The following BRD1 variants were observed in gnomAD, a reference collection of about 807,000 sequenced individuals.
BRD1 encodes the protein bromodomain containing 1.
BRD1 carries 24 observed loss-of-function variants against 107.7 expected under a neutral mutation model. That is an observed-to-expected ratio of 0.22 (90% CI 0.16 to 0.31). The LOEUF is 0.31. Ranked by LOEUF, BRD1 falls within the 10% of genes least tolerant of loss-of-function variation. BRD1 has a pLI of 1.00. For missense variants in BRD1, 1,279 were observed against 1,638.6 expected (o/e 0.78, Z 3.79); for synonymous variants, 744 against 686.1 (o/e 1.08, Z -1.32).
chr22:49,809,962 C>T (rs2059818925), intron 2 of BRD1, among the ~76,000 whole-genome samples: 1 of 152,118 alleles, frequency 6.6e-6, no homozygotes, highest in African/African-American at 2.4e-5. Context: ...AAAGAAAGAA[C>T]ACACATATTC....
intron 2 of BRD1, among the ~76,000 whole-genome samples, chr22:49,810,425 G>C (rs142660413): frequency 2.6e-5 from 4 of 152,228 alleles, no homozygotes; most frequent in Non-Finnish European, 2.9e-5. Context: ...TTAGGCAAAG[G>C]CTTCTTACAT....
chr22:49,805,422 C>T (rs2059722797), intron 2 of BRD1: 1 of 152,322 alleles, frequency 6.6e-6, no homozygotes, highest in African/African-American at 2.4e-5. Flanking sequence ...TGTGGAACCC[C>T]TTTAGGCTAA....
chr22:49,776,236 G>T, intron 10 of BRD1, 77 bp from the exon 11 acceptor site: 1 of 1,321,626 alleles, frequency 7.6e-7, no homozygotes, highest in Non-Finnish European at 1.1e-6. Flanking sequence ...AAAAGGTGCA[G>T]CAACAGGGTG....
chr22:49,779,464 G>A (rs547257095), intron 8 of BRD1, among the ~76,000 whole-genome samples: 5 of 152,278 alleles, frequency 3.3e-5, no homozygotes, highest in East Asian at 1.9e-4. Context: ...CACCGGCTCC[G>A]TCTCTCCTGG....
intron 7 of BRD1, among the ~76,000 whole-genome samples, chr22:49,793,776 T>C (rs1397289020): frequency 6.6e-6 from 1 of 152,256 alleles, no homozygotes; most frequent in Non-Finnish European, 1.5e-5. Flanking sequence ...GAGAAAAATT[T>C]TATTCTGTGC....
At chr22:49,786,199 G>A (rs971014163) in intron 8 of BRD1, among the ~76,000 whole-genome samples, 13 of 152,238 alleles carry the variant, frequency 8.5e-5, no homozygotes, top group South Asian at 2.1e-4. Flanking sequence ...GCCTTGACTC[G>A]GGACAAAAAC....
In BRD1 at chr22:49,827,813, G is replaced by C. The variant is rs1353748802; in HGVS notation, c.-331C>G. ...GCGGCGGGCGGCGGGCGCGGGACGCGGGGCTGGCTCGGACTCCAGGGCCGG... is the reference window on the plus strand; with the variant it reads ...GCGGCGGGCGGCGGGCGCGGGACGCCGGGCTGGCTCGGACTCCAGGGCCGG... On this transcript the variant is annotated 5_prime_UTR_variant, in exon 1 of 13. Transcript: ENST00000404760. Among the ~76,000 whole-genome samples, 2 of 145,888 alleles carry C rather than the reference G, an allele frequency of 1.4e-5. No individual in the cohort carries two copies. The highest frequency in any genetic ancestry group is 1.4e-4 in the Admixed American group (2 of 14,722).
intron 8 of BRD1, among the ~76,000 whole-genome samples, chr22:49,785,338 G>A (rs2059302549): frequency 6.6e-6 from 1 of 152,254 alleles, no homozygotes; most frequent in South Asian, 2.1e-4. Flanking sequence ...CGGCCGGCAG[G>A]GCCTCCACGC....
In BRD1 at chr22:49,783,864, T is replaced by C. The variant is rs1886025068; in HGVS notation, c.2857+3526A>G. ...TTAAGTGAAAGGCAAGATGCAGTGA[T>C]CTTTGTGCATTCCAAAACGGCCGCT... On this transcript the variant is annotated intron_variant, in intron 8 of 12. Coordinates refer to ENST00000404760, the MANE Select transcript of BRD1 (RefSeq NM_001304808.3). The surrounding 1 kb of genome is among the most constrained non-coding windows in gnomAD (Gnocchi z 4.2). Among the ~76,000 whole-genome samples, 1 of 152,244 alleles carries C rather than the reference T, an allele frequency of 6.6e-6. No homozygotes were observed. Among genetic ancestry groups the C allele is most frequent in the Non-Finnish European group, 1.5e-5 (1 of 68,040 alleles).
At chr22:49,826,183 G>A in intron 1 of BRD1, 2 of 985,402 alleles carry the variant, frequency 2.0e-6, no homozygotes, top group Non-Finnish European at 1.2e-6. Context: ...TTTTCCCCTC[G>A]ACAGCAAAGT....
At chr22:49,825,565 G>A (rs1344183099) in intron 1 of BRD1, among the ~76,000 whole-genome samples, 11 of 152,208 alleles carry the variant, frequency 7.2e-5, no homozygotes, top group African/African-American at 2.7e-4. Context: ...TCCCTCCAAA[G>A]CGCCACACTT....
chr22:49,800,987 C>A lies in BRD1; in HGVS notation c.1525-1868G>T, dbSNP rs112784615. The stretch of plus-strand genomic sequence containing the variant: ...CCCACAGTGTTACAGAGTGGCCGAC[C>A]CCAGGCCTCCTGGCAACAGCACCCA... On this transcript the variant is annotated intron_variant, in intron 3 of 12. Transcript: ENST00000404760. Among the ~76,000 whole-genome samples, 601 of 152,364 alleles carry A rather than the reference C, an allele frequency of 3.9e-3. 7 individuals are homozygous for A. Among genetic ancestry groups the A allele is most frequent in the African/African-American group, 0.013 (546 of 41,580 alleles).
At position 49,824,565 on chromosome 22, in the gene BRD1, C is replaced by CT; in HGVS notation, c.-14-235dup. 1 of 1,357,592 alleles carries CT rather than the reference C, an allele frequency of 7.4e-7. No homozygotes were observed. The highest frequency in any genetic ancestry group is 9.5e-7 in the Non-Finnish European group (1 of 1,052,974). 84.1% of individuals were successfully genotyped at this position (1,357,592 alleles called of 1,614,324 possible). On this transcript the variant is annotated intron_variant, in intron 1 of 12. Transcript: ENST00000404760. The surrounding 1 kb of genome is among the most constrained non-coding windows in gnomAD (Gnocchi z 5.9). ...CAGAGAGGCAGCCTGAGGAGCCCTC[C>CT]TGAGCACCTGCGTCCCTACCACCAC...
At position 49,783,697 on chromosome 22, in the gene BRD1, C is replaced by T. The variant is rs964823149; in HGVS notation, c.2857+3693G>A. Reference sequence around the variant, plus strand: ...CATCCCGCCAGCTCCAGGCGTGCACCGGGCGCCAGCACCATTCCCACTGCC... The same window carrying T: ...CATCCCGCCAGCTCCAGGCGTGCACTGGGCGCCAGCACCATTCCCACTGCC... On this transcript the variant is annotated intron_variant, in intron 8 of 12. Coordinates refer to ENST00000404760, the MANE Select transcript of BRD1 (RefSeq NM_001304808.3). The surrounding 1 kb of genome is among the most constrained non-coding windows in gnomAD (Gnocchi z 4.2). Among the ~76,000 whole-genome samples, 3 of 134,944 alleles carry T rather than the reference C, an allele frequency of 2.2e-5. No homozygotes were observed. Among genetic ancestry groups the T allele is most frequent in the South Asian group, 2.7e-4 (1 of 3,726 alleles). The allele number at this position is 134,944 out of a possible 152,430, so 88.5% of individuals were successfully genotyped here.
At chr22:49,810,796 C>T (rs1226807294) in intron 2 of BRD1, among the ~76,000 whole-genome samples, 3 of 152,200 alleles carry the variant, frequency 2.0e-5, no homozygotes, top group Admixed American at 6.5e-5. Flanking sequence ...AAAAGGACAG[C>T]GCCTGAGAAT....
Position 49,783,883 on chromosome 22 carries a change from G to A in BRD1, c.2857+3507C>T, listed in dbSNP as rs1008952132. Among the ~76,000 whole-genome samples the A allele has an allele frequency of 8.5e-5, 13 of 152,196 alleles. No homozygotes were observed. Among genetic ancestry groups the A allele is most frequent in the African/African-American group, 2.9e-4 (12 of 41,452 alleles). On this transcript the variant is annotated intron_variant, in intron 8 of 12. Coordinates refer to ENST00000404760, the MANE Select transcript of BRD1 (RefSeq NM_001304808.3). This position sits in a 1 kb window ranked among gnomAD's most constrained non-coding sequence, Gnocchi z 4.2. ...CAGTGATCTTTGTGCATTCCAAAAC[G>A]GCCGCTTAGCAGAACTCCAGTCCAA... is the stretch of plus-strand genomic sequence containing the variant.
At chr22:49,775,824 C>CACCCCCCGCAGCTGTGTGA in intron 11 of BRD1, 79 bp from the exon 12 acceptor site, 1 of 1,281,046 alleles carries the variant, frequency 7.8e-7, no homozygotes, top group East Asian at 2.7e-5. Context: ...CACCCCCCCC[C>CACCCCCCGCAGCTGTGTGA]GCCTCCCCAC....
intron 1 of BRD1, chr22:49,826,075 G>A (rs1390888135): frequency 2.7e-6 from 2 of 737,724 alleles, no homozygotes; most frequent in Non-Finnish European, 3.3e-6. Flanking sequence ...AGCCTGCAGA[G>A]AGCGACCCTA....
At chr22:49,785,261 T>A (rs750549323) in intron 8 of BRD1, among the ~76,000 whole-genome samples, 4 of 152,278 alleles carry the variant, frequency 2.6e-5, no homozygotes, top group Non-Finnish European at 4.4e-5. Flanking sequence ...TGGGGCCACC[T>A]GGTGGAAACC....
Sources: allele counts gnomAD v4.1 joint callset (sites outside exome capture counted in the v4.1 genomes callset), GRCh38; gene constraint gnomAD v4.1.1; non-coding constraint Gnocchi (gnomAD v3.1); transcripts MANE v1.5; gene names NCBI Gene and HGNC (gene_info 2026-07-23, HGNC 2026-07-21).